The following PZP variants were observed in gnomAD, a reference collection of about 807,000 sequenced individuals.
PZP encodes the protein pregnancy zone protein.
Under a neutral mutation model 179.8 loss-of-function variants are expected in PZP, and 150 were observed. The observed-to-expected ratio is 0.83, with a 90% CI of 0.73 to 0.96. PZP has a LOEUF of 0.96. Ranked by LOEUF, PZP falls within the 40% of genes least tolerant of loss-of-function variation. PZP has a pLI of 0.00. For missense variants in PZP, 1,689 were observed against 1,764.0 expected (o/e 0.96, Z 0.76); for synonymous variants, 624 against 652.3 (o/e 0.96, Z 0.66).
chr12:9,195,597 C>A (rs1249930147), intron 10 of PZP, among the ~76,000 whole-genome samples: 2 of 150,840 alleles, frequency 1.3e-5, no homozygotes, highest in African/African-American at 2.4e-5. Flanking sequence ...GTGCACGCCA[C>A]CAGCCCACTG....
At position 9,149,005 on chromosome 12, in the gene PZP, A is replaced by G; in HGVS notation, c.4427-11T>C. On this transcript the variant is annotated splice_polypyrimidine_tract_variant and intron_variant, in intron 35 of 35. Coordinates refer to ENST00000261336, the MANE Select transcript of PZP (RefSeq NM_002864.3). ...TTCCATGCTCTGTATCTATGGAGAA[A>G]AGAAAAACGTAAGGAGGTTGTATCA... 6.2e-7 allele frequency: 1 copy of G among 1,610,238 alleles called. No individual in the cohort carries two copies. Among genetic ancestry groups the G allele is most frequent in the South Asian group, 1.1e-5 (1 of 90,978 alleles).
intron 15 of PZP, among the ~76,000 whole-genome samples, chr12:9,176,009 A>G (rs1359416775): frequency 2.6e-5 from 4 of 152,176 alleles, no homozygotes; most frequent in African/African-American, 7.2e-5. Context: ...ACATGCTTGC[A>G]TATATTCACT....
rs766787852 is a variant in PZP at position 9,196,314 on chromosome 12, T to G, written c.1092+16A>C. 3 of 1,567,228 alleles carry G rather than the reference T, an allele frequency of 1.9e-6. No homozygotes were observed. The East Asian group carries it at 6.7e-5, about 35-fold the overall frequency. ...ACTGGATACTTTGCTTACCTGTGCA[T>G]TACAACATATCTTACCTGTGCAAAA... On this transcript the variant is annotated intron_variant, in intron 10 of 35. Transcript: ENST00000261336.
intron 13 of PZP, among the ~76,000 whole-genome samples, chr12:9,190,827 AAG>A (rs1272077552): frequency 4.6e-5 from 7 of 152,220 alleles, no homozygotes; most frequent in Non-Finnish European, 1.0e-4. Flanking sequence ...ATAGTGTGAA[AAG>A]AGAACAATAT....
intron 24 of PZP, 27 bp downstream of exon 24, chr12:9,160,287 A>G (rs1941081632): frequency 1.3e-6 from 2 of 1,578,140 alleles, no homozygotes; most frequent in Middle Eastern, 1.7e-4. Context: ...TAGAGTAACA[A>G]AGTAAATTTT....
intron 2 of PZP, 98 bp downstream of exon 2, chr12:9,203,670 A>G: frequency 7.1e-7 from 1 of 1,407,812 alleles, no homozygotes; most frequent in South Asian, 1.3e-5. Flanking sequence ...TCTTAAAGTC[A>G]TACCTTGGGA....
At chr12:9,187,904 C>T (rs745899179) in intron 13 of PZP, among the ~76,000 whole-genome samples, 55 of 152,310 alleles carry the variant, frequency 3.6e-4, no homozygotes, top group Admixed American at 2.1e-3. Context: ...CTGTGAGCTC[C>T]GTCCCAGGGA....
At chr12:9,179,367 T>C (rs1432160051) in intron 15 of PZP, among the ~76,000 whole-genome samples, 1 of 152,184 alleles carries the variant, frequency 6.6e-6, no homozygotes, top group Non-Finnish European at 1.5e-5. Flanking sequence ...CCCCAGCTTT[T>C]ACAATAGATC....
At position 9,169,457 on chromosome 12, in the gene PZP, A is replaced by G. The variant is rs1299110320; in HGVS notation, c.1974T>C (p.Asn658=). ...TGAGGAAGCTATAAATATCTGCTTC[A>G]TTACTTGATAAGGGAACATAGATGG... is the stretch of plus-strand genomic sequence containing the variant. ...NGAIYVPLSS[N]EADIYSFLKG... Residue 658 remains asparagine, a synonymous_variant, in exon 16 of 36, where the codon AAT becomes AAC. Transcript: ENST00000261336. 1.1e-5 allele frequency: 17 copies of G among 1,609,228 alleles called. No individual in the cohort carries two copies. The highest frequency in any genetic ancestry group is 1.4e-5 in the Non-Finnish European group (17 of 1,177,882).
At position 9,200,623 on chromosome 12, in the gene PZP, T is replaced by C. The variant is rs148573629; in HGVS notation, c.671-175A>G. 5.3e-5 allele frequency among the ~76,000 whole-genome samples: 8 copies of C among 152,336 alleles called. No homozygotes were observed. In the East Asian group the frequency reaches 1.5e-3, roughly 29 times the overall value. ...ACAATTCATGCAGAATCTAACTGAC[T>C]TCTTGAGCACAGCGGGTCTCAGTGA... On this transcript the variant is annotated intron_variant, in intron 6 of 35. Transcript: ENST00000261336.
At chr12:9,165,410 G>GC in intron 18 of PZP, 43 bp from the exon 19 acceptor site, 1 of 1,605,110 alleles carries the variant, frequency 6.2e-7, no homozygotes, top group Non-Finnish European at 8.5e-7. Context: ...ATGAATGTAA[G>GC]CCACCTTTTC....
At chr12:9,173,985 C>A (rs757021663) in intron 15 of PZP, among the ~76,000 whole-genome samples, 1 of 152,226 alleles carries the variant, frequency 6.6e-6, no homozygotes, top group Admixed American at 6.5e-5. Flanking sequence ...TATGAGGCCA[C>A]CATCATCTTG....
intron 10 of PZP, among the ~76,000 whole-genome samples, chr12:9,194,579 C>T (rs1943651334): frequency 6.6e-6 from 1 of 151,390 alleles, no homozygotes; most frequent in Non-Finnish European, 1.5e-5. Flanking sequence ...ATTCTCCTGC[C>T]TCAGCCTCCC....
rs770144531 is a variant in PZP, at chr12:9,163,936, A to G, written c.2615-147T>C. ...CAAGGTTAATGTATACTAAGTAGCC[A>G]ATGTCCAAGATAGTGATTCTGGGGA... On this transcript the variant is annotated intron_variant, in intron 20 of 35. Transcript: ENST00000261336. The G allele has an allele frequency of 2.4e-5, 30 of 1,252,020 alleles. No individual in the cohort carries two copies. In the East Asian group the frequency reaches 7.0e-4, roughly 29 times the overall value. The allele number at this position is 1,252,020 out of a possible 1,614,324, so 77.6% of individuals were successfully genotyped here. A position where few individuals can be genotyped will look rare whatever the true frequency, so the allele number is the denominator to read the frequency against.
intron 22 of PZP, among the ~76,000 whole-genome samples, chr12:9,162,107 G>T (rs376067986): frequency 6.6e-6 from 1 of 152,042 alleles, no homozygotes; most frequent in Non-Finnish European, 1.5e-5. Flanking sequence ...GACTACAGGC[G>T]CCCGCCACCA....
the PZP span, among the ~76,000 whole-genome samples, chr12:9,139,215 C>G: frequency 6.6e-6 from 1 of 151,956 alleles, no homozygotes; most frequent in Non-Finnish European, 1.5e-5. Flanking sequence ...TGTTTAATAT[C>G]TATGTATTTT....
chr12:9,192,678 C>A lies in PZP; in HGVS notation c.1316G>T (p.Gly439Val). Reference protein sequence around the residue: ...HYSWVAEDHQGAQHTANRVFS... With the variant: ...HYSWVAEDHQVAQHTANRVFS... ...AACACGATTTGCAGTGTGCTGAGCA[C>A]CCTGGTGGTCTTCTGCTACCCATGA... Residue 439 changes from glycine to valine, a missense_variant, in exon 12 of 36, where the codon GGT (glycine) becomes GTT (valine). By Grantham distance (109) the Gly-to-Val change is moderately radical. This residue lies in a region of PZP where 742 missense variants were observed against 730.5 expected (regional missense o/e 1.02). Transcript: ENST00000261336. The A allele has an allele frequency of 6.2e-7, 1 of 1,613,958 alleles. No individual in the cohort carries two copies.
rs138938935 is a variant in PZP, at chr12:9,176,132, A to G, written c.1839+4851T>C. ...ACAATGGAATACTATGCAGCCATAAAAAGGATGAGTTCATGTCCTTTGCAG... is the reference window on the plus strand; with the variant it reads ...ACAATGGAATACTATGCAGCCATAAGAAGGATGAGTTCATGTCCTTTGCAG... On this transcript the variant is annotated intron_variant, in intron 15 of 35. Transcript: ENST00000261336. Among the ~76,000 whole-genome samples the G allele has an allele frequency of 5.9e-4, 90 of 152,360 alleles. 1 individual carries two copies. In the East Asian group the frequency reaches 0.017, roughly 28 times the overall value.
At chr12:9,189,195 A>T (rs1943309413) in intron 13 of PZP, among the ~76,000 whole-genome samples, 1 of 152,248 alleles carries the variant, frequency 6.6e-6, no homozygotes, top group Non-Finnish European at 1.5e-5. Flanking sequence ...AGCCAAGGCA[A>T]TCCTAAGCAA....
Sources: gnomAD v4.1 joint callset for allele counts (sites outside exome capture counted in the v4.1 genomes callset) on GRCh38, gnomAD v4.1.1 for gene constraint, gnomAD v4.1.1 regional missense constraint, MANE v1.5 for transcripts, NCBI Gene and HGNC (gene_info 2026-07-23, HGNC 2026-07-21) for gene names.